The following ADAM23 variants were observed in gnomAD, a reference collection of about 807,000 sequenced individuals.
The protein encoded by ADAM23 is ADAM metallopeptidase domain 23.
ADAM23 carries 33 observed loss-of-function variants against 120.1 expected under a neutral mutation model. The observed-to-expected ratio is 0.27, with a 90% confidence interval of 0.21 to 0.37. The LOEUF is 0.37. Ranked by LOEUF, ADAM23 falls within the 10% of genes least tolerant of loss-of-function variation. ADAM23 has a pLI of 1.00. For missense variants in ADAM23, 862 were observed against 1,058.2 expected (o/e 0.81, Z 2.57); for synonymous variants, 367 against 375.2 (o/e 0.98, Z 0.25).
chr2:206,517,333 C>G (rs909047752), intron 3 of ADAM23, among the ~76,000 whole-genome samples: 3 of 152,170 alleles, frequency 2.0e-5, no homozygotes, highest in Non-Finnish European at 4.4e-5. Flanking sequence ...CTACCTCAGA[C>G]CCCTCATTGC....
At chr2:206,462,348 A>G (rs1276040660) in intron 2 of ADAM23, among the ~76,000 whole-genome samples, 4 of 152,182 alleles carry the variant, frequency 2.6e-5, no homozygotes, top group Admixed American at 2.0e-4. Flanking sequence ...AGGCTGTTAC[A>G]TTTCTGTTTT....
chr2:206,550,491 T>C (rs1323963637), intron 9 of ADAM23, among the ~76,000 whole-genome samples: 1 of 152,190 alleles, frequency 6.6e-6, no homozygotes, highest in African/African-American at 2.4e-5. Flanking sequence ...CCTGCTAATA[T>C]GTTATTTTTT....
At position 206,448,652 on chromosome 2, in the gene ADAM23, T is replaced by A. The variant is rs536352042; in HGVS notation, c.432+3128T>A. On this transcript the variant is annotated intron_variant, in intron 2 of 25. Transcript: ENST00000264377. ...AGAGAGAGGCAGAAGGTTGAGTTGATCACCAATAGCCAGTGATTTAATCAG... is the reference window on the plus strand; with the variant it reads ...AGAGAGAGGCAGAAGGTTGAGTTGAACACCAATAGCCAGTGATTTAATCAG... Among the ~76,000 whole-genome samples, 57 of 152,256 alleles carry A rather than the reference T, an allele frequency of 3.7e-4. 1 individual carries two copies. The South Asian group carries it at 9.8e-3, about 26-fold the overall frequency.
chr2:206,581,685 T>C (rs574343854), intron 18 of ADAM23, among the ~76,000 whole-genome samples: 2 of 152,302 alleles, frequency 1.3e-5, no homozygotes, highest in South Asian at 4.1e-4. Flanking sequence ...TTGAATAGAA[T>C]GTGTATTCTG....
chr2:206,539,781 C>A (rs1013441893), intron 4 of ADAM23, among the ~76,000 whole-genome samples: 1 of 152,112 alleles, frequency 6.6e-6, no homozygotes, highest in Non-Finnish European at 1.5e-5. Flanking sequence ...TCTTACTTTG[C>A]AGTGGTCTGA....
intron 3 of ADAM23, among the ~76,000 whole-genome samples, chr2:206,506,728 C>A (rs1696504142): frequency 6.6e-6 from 1 of 152,164 alleles, no homozygotes; most frequent in African/African-American, 2.4e-5. Flanking sequence ...AAGGGTAAAG[C>A]CCGTCATGCT....
intron 2 of ADAM23, among the ~76,000 whole-genome samples, chr2:206,468,489 T>C (rs1351648455): frequency 6.6e-6 from 1 of 152,172 alleles, no homozygotes; most frequent in Non-Finnish European, 1.5e-5. Context: ...AAGTGACCTT[T>C]GCTATAGTTC....
At chr2:206,472,125 T>C (rs934849414) in intron 2 of ADAM23, among the ~76,000 whole-genome samples, 1 of 152,156 alleles carries the variant, frequency 6.6e-6, no homozygotes, top group African/African-American at 2.4e-5. Flanking sequence ...TGCTAAATAA[T>C]CACTAGGGAA....
chr2:206,595,138 G>A (rs142514541), intron 23 of ADAM23, among the ~76,000 whole-genome samples: 8,152 of 152,162 alleles, frequency 0.054, 344 homozygotes, highest in Admixed American at 0.14. Flanking sequence ...CCGAGATTGA[G>A]CCACTGCACT....
intron 16 of ADAM23, among the ~76,000 whole-genome samples, chr2:206,571,397 C>G (rs1374428348): frequency 2.6e-5 from 4 of 152,098 alleles, no homozygotes; most frequent in Non-Finnish European, 4.4e-5. Flanking sequence ...ATGGCATGAA[C>G]CCGGGAGGCG....
intron 3 of ADAM23, among the ~76,000 whole-genome samples, chr2:206,523,378 G>C (rs1015146871): frequency 4.6e-5 from 7 of 152,170 alleles, no homozygotes; most frequent in African/African-American, 1.7e-4. Context: ...CCTATGAAAT[G>C]TGCCCACACT....
At chr2:206,547,537 G>A in intron 7 of ADAM23, 36 bp downstream of exon 7, 1 of 1,550,208 alleles carries the variant, frequency 6.5e-7, no homozygotes, top group Non-Finnish European at 8.9e-7. Context: ...TATATTTTAT[G>A]TAGTATGAGC....
intron 21 of ADAM23, among the ~76,000 whole-genome samples, chr2:206,590,823 A>G (rs561403827): frequency 9.2e-5 from 14 of 152,304 alleles, no homozygotes; most frequent in African/African-American, 3.1e-4. Context: ...GAAGTAGTCA[A>G]AATCCATGGG....
intron 3 of ADAM23, among the ~76,000 whole-genome samples, chr2:206,525,661 G>A (rs954635728): frequency 1.7e-4 from 26 of 151,466 alleles, no homozygotes; most frequent in Admixed American, 1.5e-3. Context: ...GTGTGATCTC[G>A]GCTCACTGCA....
At chr2:206,453,648 C>G (rs1695239922) in intron 2 of ADAM23, among the ~76,000 whole-genome samples, 1 of 152,118 alleles carries the variant, frequency 6.6e-6, no homozygotes, top group Non-Finnish European at 1.5e-5. Flanking sequence ...TATAAAAAGG[C>G]TAGATCCAGT....
chr2:206,605,031 C>T (rs1469541285), intron 24 of ADAM23, among the ~76,000 whole-genome samples: 2 of 152,200 alleles, frequency 1.3e-5, no homozygotes, highest in African/African-American at 4.8e-5. Context: ...TGGGGACCTC[C>T]ACTCATTCCA....
chr2:206,598,617 G>T (rs1342440452), intron 24 of ADAM23, among the ~76,000 whole-genome samples: 1 of 152,150 alleles, frequency 6.6e-6, no homozygotes, highest in Non-Finnish European at 1.5e-5. Context: ...AGCCTTATTG[G>T]GCCTGGCTCA....
intron 3 of ADAM23, among the ~76,000 whole-genome samples, chr2:206,524,200 C>G (rs1354936629): frequency 6.6e-6 from 1 of 152,206 alleles, no homozygotes; most frequent in Non-Finnish European, 1.5e-5. Context: ...TGTTTAACTT[C>G]TGTTCCAGTC....
In ADAM23 at chr2:206,543,245, T is replaced by G; in HGVS notation, c.657-8T>G. 2 of 1,613,688 alleles carry G rather than the reference T, an allele frequency of 1.2e-6. No individual in the cohort carries two copies. The highest frequency in any genetic ancestry group is 1.7e-6 in the Non-Finnish European group (2 of 1,179,760). On this transcript the variant is annotated splice_polypyrimidine_tract_variant and splice_region_variant and intron_variant, in intron 5 of 25. Coordinates refer to ENST00000264377, the MANE Select transcript of ADAM23 (RefSeq NM_003812.4). The stretch of plus-strand genomic sequence containing the variant: ...ATTCCCTCCTTTGTGTGGTTTCTTT[T>G]GTGCTAGTGGCATGTTTGAAGATGA...
Sources: gnomAD v4.1 joint callset for allele counts (sites outside exome capture counted in the v4.1 genomes callset) on GRCh38, gnomAD v4.1.1 for gene constraint, MANE v1.5 for transcripts, NCBI Gene and HGNC (gene_info 2026-07-23, HGNC 2026-07-21) for gene names.